The following ROBO1 variants were observed in gnomAD, a reference collection of about 807,000 sequenced individuals.
The protein encoded by ROBO1 is roundabout guidance receptor 1.
A neutral mutation model predicts 195.9 loss-of-function variants in ROBO1; 149 were observed. The observed-to-expected ratio is 0.76, with a 90% confidence interval of 0.67 to 0.87. The LOEUF is 0.87. ROBO1 is among the 40% of genes least tolerant of loss of function. ROBO1 has a pLI of 0.00. For synonymous variants in ROBO1, 816 were observed against 733.2 expected, an observed-to-expected ratio of 1.11 and a Z score of -1.82; for missense variants, 1,933 against 2,068.3, an observed-to-expected ratio of 0.93 and a Z score of 1.27.
At chr3:78,639,371 G>A (rs1705777225) in intron 22 of ROBO1, among the ~76,000 whole-genome samples, 1 of 152,128 alleles carries the variant, frequency 6.6e-6, no homozygotes. Context: ...GCTGAGGCAT[G>A]AGAATCACTG....
At chr3:79,218,644 G>C (rs2082090741) in intron 2 of ROBO1, among the ~76,000 whole-genome samples, 1 of 151,886 alleles carries the variant, frequency 6.6e-6, no homozygotes, top group South Asian at 2.1e-4. Flanking sequence ...GCTTTTAAGT[G>C]TTACAGTTGA....
At chr3:79,483,805 G>A (rs1315148344) in intron 2 of ROBO1, among the ~76,000 whole-genome samples, 1 of 152,026 alleles carries the variant, frequency 6.6e-6, no homozygotes, top group African/African-American at 2.4e-5. Flanking sequence ...GACAATCATG[G>A]ATCTGGGACG....
At chr3:78,665,749 A>G (rs1707694540) in intron 14 of ROBO1, among the ~76,000 whole-genome samples, 1 of 152,148 alleles carries the variant, frequency 6.6e-6, no homozygotes, top group Non-Finnish European at 1.5e-5. Context: ...CCCATTTTAT[A>G]GGTGAGGAAA....
intron 2 of ROBO1, among the ~76,000 whole-genome samples, chr3:79,380,727 C>T (rs1302090288): frequency 6.6e-6 from 1 of 152,104 alleles, no homozygotes; most frequent in Non-Finnish European, 1.5e-5. Flanking sequence ...CCATCAAGAG[C>T]CGAAGTCCAT....
intron 5 of ROBO1, among the ~76,000 whole-genome samples, chr3:78,743,724 C>T (rs571901807): frequency 1.3e-5 from 2 of 152,264 alleles, no homozygotes; most frequent in African/African-American, 2.4e-5. Flanking sequence ...GGGGCTCAGG[C>T]TCTCAGGGTG....
At chr3:79,339,089 T>C (rs1308689349) in intron 2 of ROBO1, among the ~76,000 whole-genome samples, 1 of 152,190 alleles carries the variant, frequency 6.6e-6, no homozygotes, top group Non-Finnish European at 1.5e-5. Context: ...GTCCAGACTC[T>C]TAACTCTCAA....
At chr3:78,619,370 T>A (rs1328402011) in intron 26 of ROBO1, among the ~76,000 whole-genome samples, 1 of 151,910 alleles carries the variant, frequency 6.6e-6, no homozygotes, top group Admixed American at 6.6e-5. Context: ...CCTGAAGATA[T>A]GGATAAATCA....
intron 4 of ROBO1, among the ~76,000 whole-genome samples, chr3:78,845,731 A>G (rs1217144030): frequency 1.3e-5 from 2 of 152,164 alleles, no homozygotes; most frequent in African/African-American, 2.4e-5. Context: ...CCCGGAGGGG[A>G]AAGTGGTAGC....
intron 2 of ROBO1, among the ~76,000 whole-genome samples, chr3:79,462,438 G>T (rs1330194356): frequency 1.3e-5 from 2 of 152,170 alleles, no homozygotes; most frequent in African/African-American, 4.8e-5. Flanking sequence ...TAGATTTTAA[G>T]AAATCATTGT....
intron 2 of ROBO1, among the ~76,000 whole-genome samples, chr3:79,414,830 C>T (rs937469485): frequency 7.9e-5 from 12 of 152,138 alleles, no homozygotes; most frequent in South Asian, 2.1e-4. Flanking sequence ...AGATTATCAG[C>T]AGATGGGTGT....
At chr3:79,261,502 T>C (rs886381204) in intron 2 of ROBO1, among the ~76,000 whole-genome samples, 1 of 152,096 alleles carries the variant, frequency 6.6e-6, no homozygotes, top group Non-Finnish European at 1.5e-5. Flanking sequence ...TTCAGCATAA[T>C]GATTTTCAAA....
chr3:79,039,345 A>T (rs1014416175), intron 3 of ROBO1, among the ~76,000 whole-genome samples: 1 of 152,182 alleles, frequency 6.6e-6, no homozygotes, highest in Non-Finnish European at 1.5e-5. Context: ...TGAGAAATTC[A>T]GCGTTAAAGC....
At chr3:79,509,202 A>C (rs1030107228) in intron 2 of ROBO1, among the ~76,000 whole-genome samples, 1 of 152,162 alleles carries the variant, frequency 6.6e-6, no homozygotes, top group Non-Finnish European at 1.5e-5. Flanking sequence ...TTTCCTGTGA[A>C]AAAAACAACA....
intron 2 of ROBO1, among the ~76,000 whole-genome samples, chr3:79,267,210 A>C (rs2030045958): frequency 1.3e-5 from 2 of 151,526 alleles, no homozygotes; most frequent in African/African-American, 4.8e-5. Flanking sequence ...TGCTGTTCTA[A>C]AAAGCTAAAT....
intron 8 of ROBO1, among the ~76,000 whole-genome samples, chr3:78,706,048 G>A (rs2081543968): frequency 6.6e-6 from 1 of 152,064 alleles, no homozygotes; most frequent in Non-Finnish European, 1.5e-5. Flanking sequence ...AGCAAAGTGT[G>A]TGCCTAAGGA....
At chr3:78,690,318 C>T (rs1423048432) in intron 8 of ROBO1, among the ~76,000 whole-genome samples, 1 of 151,492 alleles carries the variant, frequency 6.6e-6, no homozygotes, top group Non-Finnish European at 1.5e-5. Flanking sequence ...GAAATTATAA[C>T]ATTTGACTAG....
At chr3:78,775,120 G>A (rs895607520) in intron 4 of ROBO1, among the ~76,000 whole-genome samples, 2 of 152,168 alleles carry the variant, frequency 1.3e-5, no homozygotes, top group Non-Finnish European at 2.9e-5. Context: ...TAAGATGTCA[G>A]TTTGTACCCA....
At chr3:79,013,703 A>G (rs2077847045) in intron 3 of ROBO1, among the ~76,000 whole-genome samples, 2 of 152,226 alleles carry the variant, frequency 1.3e-5, no homozygotes. Context: ...TCTCTATGAT[A>G]TAGTTTCTAC....
intron 1 of ROBO1, among the ~76,000 whole-genome samples, chr3:79,727,439 T>C (rs1468893015): frequency 6.6e-6 from 1 of 152,192 alleles, no homozygotes; most frequent in Non-Finnish European, 1.5e-5. Context: ...AAATAAACTT[T>C]TAAAATAATG....
Sources: allele counts gnomAD v4.1 joint callset (sites outside exome capture counted in the v4.1 genomes callset), GRCh38; gene constraint gnomAD v4.1.1; transcripts MANE v1.5; gene names NCBI Gene and HGNC (gene_info 2026-07-23, HGNC 2026-07-21).